The following GREM1 variants were observed in gnomAD, a reference collection of about 807,000 sequenced individuals.
GREM1 encodes the protein gremlin 1, DAN family BMP antagonist, also known as gremlin-1.
Under a neutral mutation model 13.1 loss-of-function variants are expected in GREM1, and 6 were observed. The ratio of observed to expected loss-of-function variants is 0.46; its 90% CI spans 0.25 to 0.91. The LOEUF (loss-of-function observed/expected upper bound fraction) is 0.91. Ranked by LOEUF, GREM1 falls within the 40% of genes least tolerant of loss-of-function variation. GREM1 has a pLI of 0.18. For synonymous variants in GREM1, 98 were observed against 93.7 expected, an observed-to-expected ratio of 1.05 and a Z score of -0.27; for missense variants, 185 against 233.9, an observed-to-expected ratio of 0.79 and a Z score of 1.36.
At position 32,733,631 on chromosome 15, in the gene GREM1, G is replaced by C. The variant is rs2055658228; in HGVS notation, c.*2386G>C. 1 of 227,800 alleles carries C rather than the reference G, an allele frequency of 4.4e-6. No individual in the cohort carries two copies. The highest frequency in any genetic ancestry group is 2.3e-5 in the African/African-American group (1 of 44,292). 14.1% of individuals were successfully genotyped at this position (227,800 alleles called of 1,614,324 possible). ...TCTTACTGTGCCTATATTAAGACTA[G>C]TACAAATGTGGTGTGTCTTCCAACT... is the stretch of plus-strand genomic sequence containing the variant. On this transcript the variant is annotated 3_prime_UTR_variant, in exon 2 of 2. Coordinates refer to ENST00000651154, the MANE Select transcript of GREM1 (RefSeq NM_013372.7).
chr15:32,727,927 A>G (rs1336018872), intron 1 of GREM1, among the ~76,000 whole-genome samples: 3 of 152,218 alleles, frequency 2.0e-5, no homozygotes, highest in Non-Finnish European at 4.4e-5. Flanking sequence ...CCAACTTACA[A>G]GGGATGTGAA....
In GREM1 at chr15:32,731,247, C is replaced by A; in HGVS notation, c.*2C>A. 6.2e-7 allele frequency: 1 copy of A among 1,608,888 alleles called. No homozygotes were observed. Among genetic ancestry groups the A allele is most frequent in the Non-Finnish European group, 8.5e-7 (1 of 1,176,464 alleles). On this transcript the variant is annotated 3_prime_UTR_variant, in exon 2 of 2. Transcript: ENST00000651154. Reference sequence around the variant, plus strand: ...TGCATATCCATCGATTTGGATTAAGCCAAATCCAGGTGCACCCAGCATGTC... The same window carrying A: ...TGCATATCCATCGATTTGGATTAAGACAAATCCAGGTGCACCCAGCATGTC...
chr15:32,718,102 C>G lies in GREM1; in HGVS notation c.-61C>G. The stretch of plus-strand genomic sequence containing the variant: ...CGCCGAGCCCCGGCGGCTCTGGCCG[C>G]GGCCGCACTCAGCGCCACGCGTCGA... On this transcript the variant is annotated 5_prime_UTR_variant, in exon 1 of 2. Transcript: ENST00000651154. 7.9e-7 allele frequency: 1 copy of G among 1,259,006 alleles called. No individual in the cohort carries two copies. Among genetic ancestry groups the G allele is most frequent in the Non-Finnish European group, 1.0e-6 (1 of 983,780 alleles). The allele number at this position is 1,259,006 out of a possible 1,614,324, so 78.0% of individuals were successfully genotyped here.
At chr15:32,720,886 G>A (rs907629960) in intron 1 of GREM1, among the ~76,000 whole-genome samples, 10 of 152,212 alleles carry the variant, frequency 6.6e-5, no homozygotes, top group African/African-American at 2.4e-4. Context: ...GCTAGGCACA[G>A]TGGCTCACAC....
In GREM1 at chr15:32,741,361, A is replaced by T. The variant is rs1030854437; in HGVS notation, c.*10116A>T. The T allele has an allele frequency of 2.0e-5, 3 of 151,882 alleles. No homozygotes were observed. The highest frequency in any genetic ancestry group is 4.4e-5 in the Non-Finnish European group (3 of 67,976). The allele number at this position is 151,882 out of a possible 1,614,324, so 9.4% of individuals were successfully genotyped here. A position where few individuals can be genotyped will look rare whatever the true frequency, so the allele number is the denominator to read the frequency against. On this transcript the variant is annotated 3_prime_UTR_variant, in exon 2 of 2. Transcript: ENST00000651154. ...TTATGATATTGGGGAACAGTAACAG[A>T]TCAAAGTACTGTAGTCTTCAGTATG... is the stretch of plus-strand genomic sequence containing the variant.
In GREM1 at chr15:32,738,614, G is replaced by A. The variant is rs936694623; in HGVS notation, c.*7369G>A. On this transcript the variant is annotated 3_prime_UTR_variant, in exon 2 of 2. Transcript: ENST00000651154. ...AAGAAATTGAAAGGGATCCACAATA[G>A]CCAAAATAATCTTAAAAAAGATTTT... 1.3e-5 allele frequency: 2 copies of A among 152,094 alleles called. No individual in the cohort carries two copies. The highest frequency in any genetic ancestry group is 2.4e-5 in the African/African-American group (1 of 41,404). 9.4% of individuals were successfully genotyped at this position (152,094 alleles called of 1,614,324 possible).
chr15:32,723,498 A>G (rs1037527303), intron 1 of GREM1, among the ~76,000 whole-genome samples: 4 of 152,210 alleles, frequency 2.6e-5, no homozygotes, highest in South Asian at 2.1e-4. Context: ...TGAATAAACA[A>G]AGGTTGGCAA....
At chr15:32,718,871 A>C in intron 1 of GREM1, 1 of 212,664 alleles carries the variant, frequency 4.7e-6, no homozygotes, top group Non-Finnish European at 9.6e-6. Context: ...CCGGCCACGC[A>C]CTCGCGGGCG....
chr15:32,730,662 T>C, intron 1 of GREM1, 28 bp from the exon 2 acceptor site: 1 of 1,480,368 alleles, frequency 6.8e-7, no homozygotes, highest in African/African-American at 1.4e-5. Flanking sequence ...GTTTTGTGTC[T>C]TCCCCTCTCT....
At position 32,733,554 on chromosome 15, in the gene GREM1, G is replaced by A; in HGVS notation, c.*2309G>A. On this transcript the variant is annotated 3_prime_UTR_variant, in exon 2 of 2. Transcript: ENST00000651154. The stretch of plus-strand genomic sequence containing the variant: ...ACTAACTTCACTGGGATAATCAGCA[G>A]CGTAACTACCCTAAAAGCATATCAC... 1 of 233,644 alleles carries A rather than the reference G, an allele frequency of 4.3e-6. No homozygotes were observed. Among genetic ancestry groups the A allele is most frequent in the East Asian group, 6.7e-5 (1 of 14,828 alleles). The allele number at this position is 233,644 out of a possible 1,614,324, so 14.5% of individuals were successfully genotyped here.
Position 32,733,002 on chromosome 15 carries a change from G to A in GREM1, c.*1757G>A, listed in dbSNP as rs1437366972. On this transcript the variant is annotated 3_prime_UTR_variant, in exon 2 of 2. Transcript: ENST00000651154. ...GAGAACCCTTGCAACTCGAGAAGCT[G>A]TTTTTATTTCGTTTTTGTTTTGATC... 4.0e-5 allele frequency: 9 copies of A among 226,588 alleles called. No homozygotes were observed. The East Asian group carries it at 6.4e-4, about 16-fold the overall frequency. 14.0% of individuals were successfully genotyped at this position (226,588 alleles called of 1,614,324 possible). A position where few individuals can be genotyped will look rare whatever the true frequency, so the allele number is the denominator to read the frequency against.
At chr15:32,728,695 A>G (rs1226063162) in intron 1 of GREM1, among the ~76,000 whole-genome samples, 9 of 152,174 alleles carry the variant, frequency 5.9e-5, no homozygotes, top group Admixed American at 5.9e-4. Context: ...TATTATGTGT[A>G]ATACTGGTAT....
chr15:32,729,857 A>G (rs1353838958), intron 1 of GREM1, among the ~76,000 whole-genome samples: 2 of 148,486 alleles, frequency 1.3e-5, no homozygotes, highest in Non-Finnish European at 3.0e-5. Context: ...GTACAAAGTG[A>G]TACATTGAGT....
chr15:32,731,083 C>T lies in GREM1; in HGVS notation c.393C>T (p.Ile131=), dbSNP rs1195646708. 3 of 1,614,076 alleles carry T rather than the reference C, an allele frequency of 1.9e-6. No homozygotes were observed. The highest frequency in any genetic ancestry group is 2.5e-6 in the Non-Finnish European group (3 of 1,180,040). The change falls in exon 2 of 2, where the codon ATC becomes ATT. Residue 131 remains isoleucine (I), a synonymous_variant. Transcript: ENST00000651154. ...ACTCTTTCTACATCCCCAGGCACAT[C>T]CGGAAGGAGGAAGGTTCCTTTCAGT... ...QCNSFYIPRH[I]RKEEGSFQSC...
chr15:32,721,582 C>T (rs1441830013), intron 1 of GREM1, among the ~76,000 whole-genome samples: 7 of 151,994 alleles, frequency 4.6e-5, no homozygotes, highest in Admixed American at 2.6e-4. Context: ...ACTGAAATCC[C>T]GTCTCTACTA....
rs1308791038 is a variant in GREM1, at chr15:32,736,565, G to A, written c.*5320G>A. ...ATGGCGGAGTGTTGAGTGTGCCTCA[G>A]CATTCACACAGAGCTCCTTGGCAGA... On this transcript the variant is annotated 3_prime_UTR_variant, in exon 2 of 2. Coordinates refer to ENST00000651154, the MANE Select transcript of GREM1 (RefSeq NM_013372.7). The A allele has an allele frequency of 6.6e-6, 1 of 152,164 alleles. No individual in the cohort carries two copies. Among genetic ancestry groups the A allele is most frequent in the Non-Finnish European group, 1.5e-5 (1 of 68,048 alleles). The allele number at this position is 152,164 out of a possible 1,614,324, so 9.4% of individuals were successfully genotyped here.
At position 32,739,269 on chromosome 15, in the gene GREM1, C is replaced by G. The variant is rs569951448; in HGVS notation, c.*8024C>G. ...TGCTTCACAGAAACTCTCCTTATACCCCACCTCAATTTTAATCTTTTTCTG... is the reference window on the plus strand; with the variant it reads ...TGCTTCACAGAAACTCTCCTTATACGCCACCTCAATTTTAATCTTTTTCTG... On this transcript the variant is annotated 3_prime_UTR_variant, in exon 2 of 2. Coordinates refer to ENST00000651154, the MANE Select transcript of GREM1 (RefSeq NM_013372.7). 1 of 152,208 alleles carries G rather than the reference C, an allele frequency of 6.6e-6. No individual in the cohort carries two copies. Among genetic ancestry groups the G allele is most frequent in the South Asian group, 2.1e-4 (1 of 4,808 alleles). 9.4% of individuals were successfully genotyped at this position (152,208 alleles called of 1,614,324 possible).
In GREM1 at chr15:32,737,058, T is replaced by C. The variant is rs1002195840; in HGVS notation, c.*5813T>C. 1.3e-5 allele frequency: 2 copies of C among 152,200 alleles called. No homozygotes were observed. The highest frequency in any genetic ancestry group is 4.8e-5 in the African/African-American group (2 of 41,454). The allele number at this position is 152,200 out of a possible 1,614,324, so 9.4% of individuals were successfully genotyped here. A position where few individuals can be genotyped will look rare whatever the true frequency, so the allele number is the denominator to read the frequency against. On this transcript the variant is annotated 3_prime_UTR_variant, in exon 2 of 2. Transcript: ENST00000651154. ...CCACCACACCTATAAATAAACAAAC[T>C]ACTGAAACTGATTCAAGAAAAAATA...
intron 1 of GREM1, chr15:32,719,034 C>T (rs1385285792): frequency 1.3e-5 from 2 of 155,756 alleles, no homozygotes; most frequent in African/African-American, 2.4e-5. Context: ...CCTTGCAGCG[C>T]CTCACTAGCT....
Sources: gnomAD v4.1 joint callset for allele counts (sites outside exome capture counted in the v4.1 genomes callset) on GRCh38, gnomAD v4.1.1 for gene constraint, MANE v1.5 for transcripts, NCBI Gene and HGNC (gene_info 2026-07-23, HGNC 2026-07-21) for gene names.